GNAS: variants seen among roughly 807,000 people sequenced by gnomAD.
The protein encoded by GNAS is protein ALEX.
GNAS carries 8 observed loss-of-function variants against 54.5 expected under a neutral mutation model. The ratio of observed to expected loss-of-function variants is 0.15; its 90% CI spans 0.09 to 0.26. The LOEUF (loss-of-function observed/expected upper bound fraction) is 0.26. Among genes scored for constraint, GNAS ranks in the 10% least tolerant of loss-of-function variants. GNAS has a pLI of 1.00. For missense variants in GNAS, 170 were observed against 529.8 expected (o/e 0.32, Z 6.67); for synonymous variants, 204 against 191.4 (o/e 1.07, Z -0.54).
rs892782006 is a variant in GNAS, at chr20:58,873,642, G to A, written c.44-21970G>A. ...CAGTAGCTGCTCACGTGTCTGCCACGCCCCTTAGAAGGACGAATCCTTGCC... is the reference window on the plus strand; with the variant it reads ...CAGTAGCTGCTCACGTGTCTGCCACACCCCTTAGAAGGACGAATCCTTGCC... On this transcript the variant is annotated intron_variant, in intron 1 of 12. Coordinates refer to the GNAS transcript ENST00000306090. This position sits in a 1 kb window ranked among gnomAD's most constrained non-coding sequence, Gnocchi z 4.3. 6.6e-6 allele frequency among the ~76,000 whole-genome samples: 1 copy of A among 152,136 alleles called. No homozygotes were observed. Among genetic ancestry groups the A allele is most frequent in the African/African-American group, 2.4e-5 (1 of 41,422 alleles).
At position 58,873,240 on chromosome 20, in the gene GNAS, G is replaced by T. The variant is rs1342748186; in HGVS notation, c.44-22372G>T. On this transcript the variant is annotated intron_variant, in intron 1 of 12. Coordinates refer to the GNAS transcript ENST00000306090. This position sits in a 1 kb window ranked among gnomAD's most constrained non-coding sequence, Gnocchi z 4.3. Reference sequence around the variant, plus strand: ...AAAATGGGCCTTCTGTGACATTTTGGAATTGTCAGGGAGTTAGGGGTCACG... The same window carrying T: ...AAAATGGGCCTTCTGTGACATTTTGTAATTGTCAGGGAGTTAGGGGTCACG... Among the ~76,000 whole-genome samples the T allele has an allele frequency of 6.6e-6, 1 of 152,056 alleles. No homozygotes were observed. The highest frequency in any genetic ancestry group is 1.9e-4 in the East Asian group (1 of 5,198).
chr20:58,845,346 C>A (rs6026557), intron 1 of GNAS, among the ~76,000 whole-genome samples: 86,199 of 151,918 alleles, frequency 0.57, 25,231 homozygotes, highest in East Asian at 0.8. Flanking sequence ...CTCCCCTCTT[C>A]GCTTCTTCAG....
chr20:58,861,862 C>T (rs944528660), intron 1 of GNAS, among the ~76,000 whole-genome samples: 26 of 150,772 alleles, frequency 1.7e-4, no homozygotes, highest in East Asian at 4.0e-4. Flanking sequence ...TGCACTACCA[C>T]GCCCCACTAA....
chr20:58,854,502 T>C (rs1194959238), intron 1 of GNAS: 1 of 1,573,084 alleles, frequency 6.4e-7, no homozygotes, highest in Non-Finnish European at 8.6e-7. Context: ...AGATCCCGAC[T>C]CCGGGACAGC....
At chr20:58,842,479 C>A in intron 1 of GNAS, 1 of 398,602 alleles carries the variant, frequency 2.5e-6, no homozygotes, top group Non-Finnish European at 4.4e-6. Flanking sequence ...AAAGGCGTCG[C>A]GGCGCCCAAG....
chr20:58,848,697 G>C (rs1400213837), intron 1 of GNAS, among the ~76,000 whole-genome samples: 2 of 152,058 alleles, frequency 1.3e-5, no homozygotes, highest in African/African-American at 4.8e-5. Flanking sequence ...CAACCAATCA[G>C]GCCAATCAAG....
At chr20:58,892,167 T>C (rs892855795) in intron 1 of GNAS, 87 of 964,512 alleles carry the variant, frequency 9.0e-5, no homozygotes, top group Admixed American at 6.9e-4. Context: ...CTTTCTCTCT[T>C]TCTCTCTTTT....
chr20:58,889,035 C>T, upstream of GNAS: 2 of 991,000 alleles, frequency 2.0e-6, no homozygotes, highest in East Asian at 1.1e-4. Context: ...GGGTGCGCGG[C>T]GGCCCATTTG....
chr20:58,899,582 T>C, intron 3 of GNAS: 1 of 553,682 alleles, frequency 1.8e-6, no homozygotes, highest in Non-Finnish European at 3.4e-6. Context: ...AAATTCATGA[T>C]GGCATCTTTT....
At chr20:58,895,356 AAAG>A in intron 1 of GNAS, 1 of 486,118 alleles carries the variant, frequency 2.1e-6, no homozygotes, top group Non-Finnish European at 3.8e-6. Context: ...TAAACAATCA[AAAG>A]AAAAATTAAA....
At chr20:58,839,892 G>A, upstream of GNAS, 1 of 601,080 alleles carries the variant, frequency 1.7e-6, no homozygotes. Context: ...CTTGCTCAGA[G>A]AGGCAAGCAA....
At chr20:58,889,243 C>G, upstream of GNAS, 1 of 1,158,840 alleles carries the variant, frequency 8.6e-7, no homozygotes, top group Non-Finnish European at 1.1e-6. Context: ...CTCCCCTGCT[C>G]TCTGGCTCCG....
chr20:58,892,125 C>T lies in GNAS; in HGVS notation c.139+260C>T, dbSNP rs112421026. 562 of 962,480 alleles carry T rather than the reference C, an allele frequency of 5.8e-4. 11 individuals carry two copies. In the African/African-American group the frequency reaches 9.1e-3, roughly 16 times the overall value. 59.6% of individuals were successfully genotyped at this position (962,480 alleles called of 1,614,324 possible). ...CTCCCCCGGCCTGCCCGCTCAGTGT[C>T]TCTCTCTTGCTCTCGCTCTCGCTCT... On this transcript the variant is annotated intron_variant, in intron 1 of 12. Coordinates refer to ENST00000371085, the MANE Select transcript of GNAS (RefSeq NM_000516.7).
intron 1 of GNAS, among the ~76,000 whole-genome samples, chr20:58,880,500 C>A (rs952156556): frequency 1.3e-5 from 2 of 152,066 alleles, no homozygotes; most frequent in Non-Finnish European, 1.5e-5. Context: ...ATTAAGCAGA[C>A]CTCAGAATTC....
rs146744182 is a variant in GNAS, at chr20:58,854,588, C to T, written c.43+13702C>T. 12 of 1,550,382 alleles carry T rather than the reference C, an allele frequency of 7.7e-6. No individual in the cohort carries two copies. The highest frequency in any genetic ancestry group is 1.9e-5 in the Admixed American group (1 of 52,936). ...CAGCCCCTGCCGCCCCAGCCGATCC[C>T]GACTCCGGGGCGGCCCCTGACGCCC... is the stretch of plus-strand genomic sequence containing the variant. On this transcript the variant is annotated intron_variant, in intron 1 of 12. Coordinates refer to the GNAS transcript ENST00000306090.
chr20:58,891,891 C>T, intron 1 of GNAS, 26 bp downstream of exon 1: 1 of 1,110,852 alleles, frequency 9.0e-7, no homozygotes. Flanking sequence ...GGGCGCCGGC[C>T]CCGGCCCGGG....
chr20:58,879,335 T>G (rs2088065450), intron 1 of GNAS, among the ~76,000 whole-genome samples: 1 of 152,214 alleles, frequency 6.6e-6, no homozygotes, highest in Admixed American at 6.5e-5. Context: ...CTGGTCAATA[T>G]CGAGTCATTT....
Position 58,891,552 on chromosome 20 carries a change from T to TC in GNAS, c.-173dup, listed in dbSNP as rs2089315044. 1.0e-6 allele frequency: 1 copy of TC among 969,314 alleles called. No homozygotes were observed. The highest frequency in any genetic ancestry group is 1.8e-5 in the African/African-American group (1 of 54,936). 60.0% of individuals were successfully genotyped at this position (969,314 alleles called of 1,614,324 possible). Reference sequence around the variant, plus strand: ...ACCGACACCCTCCCCTTCCCGCCCGTCCGCGCGCCCCGCGGCCCGCGGCCC... The same window carrying TC: ...ACCGACACCCTCCCCTTCCCGCCCGTCCCGCGCGCCCCGCGGCCCGCGGCCC... On this transcript the variant is annotated 5_prime_UTR_variant, in exon 1 of 13. Coordinates refer to ENST00000371085, the MANE Select transcript of GNAS (RefSeq NM_000516.7).
At chr20:58,867,220 A>T (rs1265848861) in intron 1 of GNAS, among the ~76,000 whole-genome samples, 1 of 152,230 alleles carries the variant, frequency 6.6e-6, no homozygotes, top group Non-Finnish European at 1.5e-5. Flanking sequence ...CAAATGCCAG[A>T]CGTTAGGGGA....
Sources: allele counts gnomAD v4.1 joint callset (sites outside exome capture counted in the v4.1 genomes callset), GRCh38; gene constraint gnomAD v4.1.1; non-coding constraint Gnocchi (gnomAD v3.1); transcripts MANE v1.5; gene names NCBI Gene and HGNC (gene_info 2026-07-23, HGNC 2026-07-21).